The following PCF11 variants were observed in gnomAD, a reference collection of about 807,000 sequenced individuals.
The protein encoded by PCF11 is pre-mRNA cleavage complex 2 protein Pcf11.
PCF11 carries 19 observed loss-of-function variants against 166.1 expected under a neutral mutation model. The ratio of observed to expected loss-of-function variants is 0.11; its 90% CI spans 0.08 to 0.17. PCF11 has a LOEUF of 0.17. Among genes scored for constraint, PCF11 ranks in the 10% least tolerant of loss-of-function variants. PCF11 has a pLI of 1.00. For synonymous variants in PCF11, 663 were observed against 644.1 expected, an observed-to-expected ratio of 1.03 and a Z score of -0.44; for missense variants, 1,565 against 1,855.5, an observed-to-expected ratio of 0.84 and a Z score of 2.88.
At chr11:83,173,937 G>A (rs1030226660) in intron 9 of PCF11, among the ~76,000 whole-genome samples, 5 of 151,812 alleles carry the variant, frequency 3.3e-5, no homozygotes, top group East Asian at 1.9e-4. Flanking sequence ...CACCATATTG[G>A]TCAGGGTGGC....
exon 16 of PCF11, chr11:83,184,690 T>C (rs1351186881): frequency 1.2e-6 from 2 of 1,610,210 alleles, no homozygotes; most frequent in Admixed American, 1.7e-5. Context: ...CATCTTCATT[T>C]GATTGTACAC....
chr11:83,179,406 C>T (rs1343007437), intron 11 of PCF11, among the ~76,000 whole-genome samples: 1 of 151,874 alleles, frequency 6.6e-6, no homozygotes, highest in Non-Finnish European at 1.5e-5. Context: ...CCCATCACCA[C>T]GCCCAGCTAA....
intron 9 of PCF11, among the ~76,000 whole-genome samples, chr11:83,175,180 G>GGCT (rs1414185563): frequency 6.6e-6 from 1 of 152,104 alleles, no homozygotes; most frequent in East Asian, 1.9e-4. Context: ...CTTTTGTCCA[G>GGCT]GCTGGAGTAC....
intron 4 of PCF11, among the ~76,000 whole-genome samples, chr11:83,165,050 C>T (rs944310806): frequency 6.6e-6 from 1 of 152,130 alleles, no homozygotes; most frequent in African/African-American, 2.4e-5. Flanking sequence ...GTTTTATGAG[C>T]TTATGCTCCA....
chr11:83,172,551 T>A (rs1311652002), intron 9 of PCF11, among the ~76,000 whole-genome samples: 1 of 152,108 alleles, frequency 6.6e-6, no homozygotes, highest in Admixed American at 6.5e-5. Flanking sequence ...GCCTCCCAAG[T>A]AGCTGGGACT....
chr11:83,182,641 G>C (rs1861123111), intron 14 of PCF11, 150 bp downstream of exon 14: 1 of 596,976 alleles, frequency 1.7e-6, no homozygotes, highest in African/African-American at 1.9e-5. Context: ...TAGAATGTTT[G>C]AATTAGAAGG....
At position 83,170,904 on chromosome 11, in the gene PCF11, G is replaced by A. The variant is rs567614053; in HGVS notation, c.3660+909G>A. On this transcript the variant is annotated intron_variant, in intron 8 of 15. Coordinates refer to ENST00000298281, the Ensembl canonical transcript of PCF11. ...TCATCTCTAATGGTACGAAAAAACAGTTGGCTTGCCTAGATTTACTCTACT... is the reference window on the plus strand; with the variant it reads ...TCATCTCTAATGGTACGAAAAAACAATTGGCTTGCCTAGATTTACTCTACT... Among the ~76,000 whole-genome samples, 17 of 152,296 alleles carry A rather than the reference G, an allele frequency of 1.1e-4. No homozygotes were observed. The South Asian group carries it at 2.9e-3, about 26-fold the overall frequency.
exon 1 of PCF11, chr11:83,157,544 G>A (rs778963680): frequency 1.2e-5 from 20 of 1,613,932 alleles, no homozygotes; most frequent in Non-Finnish European, 1.6e-5. Flanking sequence ...ATAGCAAGCC[G>A]CACATCAATA....
chr11:83,162,660 C>A (rs1437498249), intron 2 of PCF11, among the ~76,000 whole-genome samples: 3 of 152,196 alleles, frequency 2.0e-5, no homozygotes, highest in African/African-American at 7.2e-5. Context: ...GTAATAAATA[C>A]ATTATTATCT....
intron 1 of PCF11, 173 bp downstream of exon 1, chr11:83,157,804 TG>T (rs1161983281): frequency 4.2e-5 from 26 of 623,694 alleles, no homozygotes; most frequent in Non-Finnish European, 5.6e-5. Flanking sequence ...CATGGGCCTC[TG>T]GGGGGGAGGG....
chr11:83,184,866 C>T lies in PCF11; in HGVS notation c.4640C>T (p.Thr1547Ile), dbSNP rs964015247. ...ATAGCAACACCCTCTGAAATTAAAACAGAAAATGACACAGTCGAGTCAGTT... is the reference window on the plus strand; with the variant it reads ...ATAGCAACACCCTCTGAAATTAAAATAGAAAATGACACAGTCGAGTCAGTT... Residue 1547 changes from threonine to isoleucine, a missense_variant, in exon 16 of 16, where the codon ACA becomes ATA. Physicochemically the swap from Thr to Ile is moderately conservative, Grantham distance 89. Around this residue, in one of 12 missense-constraint regions of PCF11, gnomAD observed 99 missense variants for 89.1 expected, o/e 1.11. Transcript: ENST00000298281. 3.2e-6 allele frequency: 5 copies of T among 1,568,286 alleles called. No homozygotes were observed. The highest frequency in any genetic ancestry group is 4.3e-6 in the Non-Finnish European group (5 of 1,164,820).
At chr11:83,161,479 G>A (rs777259824) in intron 2 of PCF11, 27 bp downstream of exon 2, 62 of 1,473,676 alleles carry the variant, frequency 4.2e-5, no homozygotes, top group Non-Finnish European at 5.2e-5. Flanking sequence ...AAACATTTGC[G>A]TTTTTTTTTA....
chr11:83,179,948 G>GCTA (rs1273095473), intron 11 of PCF11, among the ~76,000 whole-genome samples: 1 of 151,994 alleles, frequency 6.6e-6, no homozygotes, highest in Non-Finnish European at 1.5e-5. Context: ...GGTGGATTTA[G>GCTA]CTAGCTCTTG....
chr11:83,179,489 A>G (rs1332077566), intron 11 of PCF11, among the ~76,000 whole-genome samples: 5 of 152,052 alleles, frequency 3.3e-5, no homozygotes. Flanking sequence ...GGCTCAAGTC[A>G]TCTGCCCGCC....
At chr11:83,166,070 T>C in exon 5 of PCF11, 1 of 1,608,952 alleles carries the variant, frequency 6.2e-7, no homozygotes, top group Middle Eastern at 1.7e-4. Flanking sequence ...AATCGGAAAG[T>C]ATGAGGTTGT....
chr11:83,173,294 A>C (rs2135434352), intron 9 of PCF11, among the ~76,000 whole-genome samples: 1 of 152,244 alleles, frequency 6.6e-6, no homozygotes, highest in Admixed American at 6.5e-5. Flanking sequence ...GTCTCTACTA[A>C]AAATACAAAA....
chr11:83,185,808 T>A lies in PCF11; in HGVS notation c.*914T>A, dbSNP rs1172927864. On this transcript the variant is annotated 3_prime_UTR_variant, in exon 16 of 16. Coordinates refer to ENST00000298281, the Ensembl canonical transcript of PCF11. ...ATGATGAAGAAACTTTGTTTGTACT[T>A]CTTTATTTCTTGAAAAGCTTTAGAA... The A allele has an allele frequency of 6.8e-6, 1 of 146,720 alleles. No individual in the cohort carries two copies. The highest frequency in any genetic ancestry group is 1.5e-5 in the Non-Finnish European group (1 of 67,984). The allele number at this position is 146,720 out of a possible 1,614,324, so 9.1% of individuals were successfully genotyped here.
chr11:83,178,351 C>T lies in PCF11; in HGVS notation c.3983+532C>T, dbSNP rs565006405. The stretch of plus-strand genomic sequence containing the variant: ...AATTTTCATTTTTTAATCTGTGATA[C>T]AGAAAACTTAGGGAGTTTAAATATT... On this transcript the variant is annotated intron_variant, in intron 11 of 15. Coordinates refer to ENST00000298281, the Ensembl canonical transcript of PCF11. Among the ~76,000 whole-genome samples the T allele has an allele frequency of 2.0e-5, 3 of 151,984 alleles. No homozygotes were observed. In the South Asian group the frequency reaches 6.2e-4, roughly 32 times the overall value.
chr11:83,165,526 C>A, intron 4 of PCF11, 74 bp from the exon 5 acceptor site: 1 of 1,099,528 alleles, frequency 9.1e-7, no homozygotes, highest in Non-Finnish European at 1.3e-6. Context: ...GCATTATCTT[C>A]TTCAGTTGTT....
Sources: allele counts gnomAD v4.1 joint callset (sites outside exome capture counted in the v4.1 genomes callset), GRCh38; gene constraint gnomAD v4.1.1; regional missense constraint gnomAD v4.1.1; transcripts MANE v1.5; gene names NCBI Gene and HGNC (gene_info 2026-07-23, HGNC 2026-07-21).